Variants in GPHN observed in about 807,000 individuals in gnomAD.
GPHN encodes the protein gephyrin.
Under a neutral mutation model 95.5 loss-of-function variants are expected in GPHN, and 17 were observed. The observed-to-expected ratio is 0.18, with a 90% CI of 0.12 to 0.27. GPHN has a LOEUF of 0.27. GPHN is among the 10% of genes least tolerant of loss of function. The probability of loss-of-function intolerance (pLI) is 1.00; values close to 1 mark genes in which losing one functional copy is unlikely to be tolerated. For missense variants in GPHN, 660 were observed against 978.1 expected (o/e 0.67, Z 4.34); for synonymous variants, 320 against 322.5 (o/e 0.99, Z 0.08).
intron 2 of GPHN, among the ~76,000 whole-genome samples, chr14:66,759,441 C>T (rs2058683486): frequency 6.6e-6 from 1 of 152,158 alleles, no homozygotes; most frequent in African/African-American, 2.4e-5. Context: ...TGTCCTGTTG[C>T]AAAAGAAAAT....
At chr14:66,668,941 C>T (rs902875665) in intron 1 of GPHN, among the ~76,000 whole-genome samples, 1 of 149,420 alleles carries the variant, frequency 6.7e-6, no homozygotes, top group African/African-American at 2.5e-5. Context: ...AGTACAATGG[C>T]GTTATCTCGG....
chr14:67,560,362 T>C, the GPHN span, among the ~76,000 whole-genome samples: 15 of 152,318 alleles, frequency 9.8e-5, no homozygotes, highest in South Asian at 3.1e-3. Context: ...TTTTTAACTA[T>C]TTGTGTGTGT....
chr14:66,976,481 T>A (rs1240857677), intron 9 of GPHN, among the ~76,000 whole-genome samples: 1 of 152,172 alleles, frequency 6.6e-6, no homozygotes. Context: ...ATTTTGACTT[T>A]AATATAGAGT....
the GPHN span, among the ~76,000 whole-genome samples, chr14:67,506,520 A>AC: frequency 1.4e-4 from 21 of 152,238 alleles, no homozygotes; most frequent in African/African-American, 5.1e-4. Flanking sequence ...GTAGCATGGT[A>AC]CCCCCCATAA....
At chr14:66,834,673 A>AT (rs1304583973) in intron 4 of GPHN, among the ~76,000 whole-genome samples, 3 of 151,534 alleles carry the variant, frequency 2.0e-5, no homozygotes, top group African/African-American at 7.3e-5. Flanking sequence ...TTTATTGAGG[A>AT]TTTTTGCATC....
the GPHN span, chr14:67,575,295 G>A: frequency 1.4e-6 from 1 of 712,480 alleles, no homozygotes; most frequent in South Asian, 1.9e-5. Flanking sequence ...CTCTACCATA[G>A]GTCAAATCTG....
At chr14:66,822,710 A>G (rs2061245087) in intron 3 of GPHN, among the ~76,000 whole-genome samples, 1 of 152,202 alleles carries the variant, frequency 6.6e-6, no homozygotes, top group East Asian at 1.9e-4. Flanking sequence ...AAAAGTTTGA[A>G]TACCCTCTTA....
intron 9 of GPHN, among the ~76,000 whole-genome samples, chr14:67,012,638 A>T (rs1022462204): frequency 3.3e-5 from 5 of 152,194 alleles, no homozygotes; most frequent in African/African-American, 1.2e-4. Context: ...CATTACCAGA[A>T]AAACATGTAT....
the GPHN span, among the ~76,000 whole-genome samples, chr14:67,272,492 A>G: frequency 2.6e-5 from 4 of 152,340 alleles, no homozygotes; most frequent in African/African-American, 4.8e-5. Flanking sequence ...GCTGGCACAT[A>G]AAGAAGTGCT....
At chr14:67,409,070 A>T in the GPHN span, among the ~76,000 whole-genome samples, 12 of 149,576 alleles carry the variant, frequency 8.0e-5, no homozygotes, top group Admixed American at 2.7e-4. Flanking sequence ...AAAAAGAAAT[A>T]AAAAAAAAGC....
At chr14:67,593,481 AC>A in the GPHN span, 1 of 361,322 alleles carries the variant, frequency 2.8e-6, no homozygotes, top group Non-Finnish European at 4.9e-6. Context: ...ACAGAGTGAG[AC>A]CCTGTCTCAA....
At chr14:66,811,005 A>G (rs905328993) in intron 3 of GPHN, among the ~76,000 whole-genome samples, 18 of 152,234 alleles carry the variant, frequency 1.2e-4, no homozygotes, top group African/African-American at 4.3e-4. Context: ...AAGTATGCAG[A>G]ATATTGTGCA....
intron 9 of GPHN, among the ~76,000 whole-genome samples, chr14:67,012,778 C>T (rs905162620): frequency 1.3e-5 from 2 of 152,094 alleles, no homozygotes; most frequent in African/African-American, 2.4e-5. Flanking sequence ...TTAGCTGTTT[C>T]CTCAGTCTGG....
At chr14:67,246,911 A>G in the GPHN span, among the ~76,000 whole-genome samples, 1 of 152,124 alleles carries the variant, frequency 6.6e-6, no homozygotes, top group African/African-American at 2.4e-5. Context: ...CGGCTTCCCA[A>G]AGTGCTGGGA....
At chr14:67,681,896 T>C in the GPHN span, among the ~76,000 whole-genome samples, 4 of 152,212 alleles carry the variant, frequency 2.6e-5, no homozygotes, top group South Asian at 2.1e-4. Context: ...AAAAATCACA[T>C]GTTGGAAACT....
chr14:67,732,889 C>T, the GPHN span, among the ~76,000 whole-genome samples: 56 of 152,180 alleles, frequency 3.7e-4, 1 homozygote, highest in East Asian at 0.011. Context: ...CCGTGATAGG[C>T]TTTTCTTCTT....
the GPHN span, among the ~76,000 whole-genome samples, chr14:67,354,243 T>C: frequency 3.9e-5 from 6 of 152,224 alleles, no homozygotes; most frequent in African/African-American, 1.4e-4. Context: ...TTATAATCAA[T>C]ATCTGGAATA....
chr14:67,634,291 G>T, the GPHN span, among the ~76,000 whole-genome samples: 1 of 151,962 alleles, frequency 6.6e-6, no homozygotes, highest in African/African-American at 2.4e-5. Flanking sequence ...TTTAACTCTT[G>T]CAAGCTAAAT....
chr14:66,752,361 T>C (rs2058668285), intron 2 of GPHN, among the ~76,000 whole-genome samples: 1 of 152,170 alleles, frequency 6.6e-6, no homozygotes, highest in African/African-American at 2.4e-5. Context: ...CTTTCTTCTC[T>C]AGCTTATTCA....
Sources: gnomAD v4.1 joint callset for allele counts (sites outside exome capture counted in the v4.1 genomes callset) on GRCh38, gnomAD v4.1.1 for gene constraint, MANE v1.5 for transcripts, NCBI Gene and HGNC (gene_info 2026-07-23, HGNC 2026-07-21) for gene names.